MAP4K4: variants seen among roughly 807,000 people sequenced by gnomAD.
MAP4K4 encodes HPK/GCK-like kinase HGK.
A neutral mutation model predicts 189.6 loss-of-function variants in MAP4K4; 38 were observed. The ratio of observed to expected loss-of-function variants is 0.20; its 90% CI spans 0.15 to 0.26. MAP4K4 has a LOEUF of 0.26. Ranked by LOEUF, MAP4K4 falls within the 10% of genes least tolerant of loss-of-function variation. The probability of loss-of-function intolerance (pLI) is 1.00; values close to 1 mark genes in which losing one functional copy is unlikely to be tolerated. For missense variants in MAP4K4, 1,054 were observed against 1,726.9 expected, an observed-to-expected ratio of 0.61 and a Z score of 6.91; for synonymous variants, 610 against 624.3, an observed-to-expected ratio of 0.98 and a Z score of 0.34.
At chr2:101,753,078 A>T (rs1248542025) in intron 2 of MAP4K4, among the ~76,000 whole-genome samples, 1 of 152,222 alleles carries the variant, frequency 6.6e-6, no homozygotes, top group Non-Finnish European at 1.5e-5. Context: ...ATACTTGTAC[A>T]TGCAATATCT....
chr2:101,880,271 A>G (rs2098345850), intron 27 of MAP4K4, among the ~76,000 whole-genome samples: 1 of 152,208 alleles, frequency 6.6e-6, no homozygotes, highest in Non-Finnish European at 1.5e-5. Flanking sequence ...TGCCAAATCC[A>G]GAGTCACTTG....
At chr2:101,720,454 T>C (rs1211904696) in intron 2 of MAP4K4, among the ~76,000 whole-genome samples, 1 of 152,178 alleles carries the variant, frequency 6.6e-6, no homozygotes, top group Non-Finnish European at 1.5e-5. Flanking sequence ...ATGATAGTTC[T>C]GGAAGGAGCT....
intron 9 of MAP4K4, among the ~76,000 whole-genome samples, chr2:101,837,578 G>A (rs1435602721): frequency 6.6e-6 from 1 of 152,016 alleles, no homozygotes; most frequent in Non-Finnish European, 1.5e-5. Flanking sequence ...GACATCCACG[G>A]GTGGCCACGC....
At chr2:101,718,518 A>G (rs2049785815) in intron 2 of MAP4K4, among the ~76,000 whole-genome samples, 1 of 143,346 alleles carries the variant, frequency 7.0e-6, no homozygotes, top group Non-Finnish European at 1.5e-5. Flanking sequence ...GTGGTTTGGC[A>G]GAGAGAACCT....
chr2:101,841,069 T>A (rs2096903830), intron 10 of MAP4K4, among the ~76,000 whole-genome samples: 1 of 152,236 alleles, frequency 6.6e-6, no homozygotes. Context: ...TTAGTAATAA[T>A]AGCTAATGTT....
chr2:101,761,418 C>T (rs1052092594), intron 2 of MAP4K4, among the ~76,000 whole-genome samples: 1 of 151,946 alleles, frequency 6.6e-6, no homozygotes, highest in African/African-American at 2.4e-5. Flanking sequence ...ATCTAGCATA[C>T]ATCAGTTTGG....
chr2:101,762,729 T>C (rs2077022238), intron 2 of MAP4K4, among the ~76,000 whole-genome samples: 1 of 152,190 alleles, frequency 6.6e-6, no homozygotes, highest in South Asian at 2.1e-4. Flanking sequence ...TACTGTTGTC[T>C]CACTGGGGCT....
At chr2:101,863,836 C>G (rs369505649) in exon 17 of MAP4K4, 2 of 1,367,608 alleles carry the variant, frequency 1.5e-6, no homozygotes, top group Non-Finnish European at 2.0e-6. Flanking sequence ...GTGGTCCCAC[C>G]TGGCATCTCT....
chr2:101,734,390 T>A (rs1204077200), intron 2 of MAP4K4, among the ~76,000 whole-genome samples: 2 of 152,208 alleles, frequency 1.3e-5, no homozygotes, highest in African/African-American at 4.8e-5. Flanking sequence ...AGGCACATAA[T>A]TATGTTATGA....
chr2:101,738,771 G>A (rs1450068179), intron 2 of MAP4K4, among the ~76,000 whole-genome samples: 1 of 151,926 alleles, frequency 6.6e-6, no homozygotes, highest in African/African-American at 2.4e-5. Context: ...TGCTTATGCA[G>A]TTTAAGGGAA....
exon 15 of MAP4K4, chr2:101,859,863 A>G (rs1270018587): frequency 6.3e-7 from 1 of 1,596,164 alleles, no homozygotes; most frequent in South Asian, 1.1e-5. Context: ...CGAGCGCGAG[A>G]GGTATCCTCT....
At chr2:101,721,970 T>C (rs2052427111) in intron 2 of MAP4K4, among the ~76,000 whole-genome samples, 1 of 152,164 alleles carries the variant, frequency 6.6e-6, no homozygotes, top group African/African-American at 2.4e-5. Context: ...TTGTATTCCC[T>C]AACTCCTGCT....
At chr2:101,852,265 A>G (rs921430879) in intron 12 of MAP4K4, among the ~76,000 whole-genome samples, 4 of 152,100 alleles carry the variant, frequency 2.6e-5, no homozygotes, top group African/African-American at 9.7e-5. Flanking sequence ...CGTAGGACCT[A>G]GAGACCTAAA....
At chr2:101,743,674 T>C (rs957460944) in intron 2 of MAP4K4, among the ~76,000 whole-genome samples, 3 of 152,156 alleles carry the variant, frequency 2.0e-5, no homozygotes, top group African/African-American at 7.2e-5. Flanking sequence ...TTTTTCTTTT[T>C]TGAGATGGAG....
intron 2 of MAP4K4, among the ~76,000 whole-genome samples, chr2:101,720,708 T>G (rs2051380271): frequency 6.6e-6 from 1 of 152,254 alleles, no homozygotes; most frequent in African/African-American, 2.4e-5. Flanking sequence ...TTATCATTTT[T>G]CTTTGATTTT....
chr2:101,862,412 G>A (rs1191748659), intron 16 of MAP4K4, among the ~76,000 whole-genome samples: 3 of 151,834 alleles, frequency 2.0e-5, no homozygotes, highest in Non-Finnish European at 4.4e-5. Context: ...AGCAGGAGAG[G>A]GTAACTGGAC....
intron 2 of MAP4K4, among the ~76,000 whole-genome samples, chr2:101,749,794 G>T (rs1250828914): frequency 2.1e-5 from 3 of 140,446 alleles, no homozygotes; most frequent in African/African-American, 8.6e-5. Flanking sequence ...AATCTACAAT[G>T]AACTCAAACA....
chr2:101,838,636 A>G (rs2149513696), intron 9 of MAP4K4, among the ~76,000 whole-genome samples: 1 of 152,284 alleles, frequency 6.6e-6, no homozygotes, highest in Non-Finnish European at 1.5e-5. Flanking sequence ...AGTTTGATAT[A>G]TGTCCGCTGT....
At chr2:101,893,970 C>T (rs1425775380) in exon 33 of MAP4K4, 1 of 152,258 alleles carries the variant, frequency 6.6e-6, no homozygotes, top group Non-Finnish European at 1.5e-5. Flanking sequence ...CTTTACTTGG[C>T]TTTTTTCCTT....
Sources: gnomAD v4.1 joint callset for allele counts (sites outside exome capture counted in the v4.1 genomes callset) on GRCh38, gnomAD v4.1.1 for gene constraint, MANE v1.5 for transcripts, NCBI Gene and HGNC (gene_info 2026-07-23, HGNC 2026-07-21) for gene names.